CHD7: variants seen among roughly 807,000 people sequenced by gnomAD.
The protein encoded by CHD7 is chromodomain helicase DNA binding protein 7.
A neutral mutation model predicts 307.3 loss-of-function variants in CHD7; 24 were observed. The ratio of observed to expected loss-of-function variants is 0.08; its 90% CI spans 0.06 to 0.11. The LOEUF (loss-of-function observed/expected upper bound fraction) is 0.11. CHD7 is among the 10% of genes least tolerant of loss of function. CHD7 has a pLI of 1.00. For missense variants in CHD7, 3,106 were observed against 3,727.1 expected, an observed-to-expected ratio of 0.83 and a Z score of 4.34; for synonymous variants, 1,363 against 1,349.9, an observed-to-expected ratio of 1.01 and a Z score of -0.21.
At position 60,781,146 on chromosome 8, in the gene CHD7, C is replaced by T. The variant is rs764607908; in HGVS notation, c.1812C>T (p.Asn604=). 1 of 1,609,188 alleles carries T rather than the reference C, an allele frequency of 6.2e-7. No homozygotes were observed. Among genetic ancestry groups the T allele is most frequent in the Admixed American group, 1.7e-5 (1 of 59,288 alleles). ...PQQKKKKKKN[N]HIVAEDPSKG... ...AAAAGAAGAAGAAAAAGAAAAACAA[C>T]CACATTGTAGCAGAGGATCCCAGTA... Residue 604 remains asparagine, a synonymous_variant, in exon 3 of 38, where the codon AAC becomes AAT. Coordinates refer to ENST00000423902, the MANE Select transcript of CHD7 (RefSeq NM_017780.4).
rs900280483 is a variant in CHD7, at chr8:60,836,130, A to G, written c.3836A>G (p.Asp1279Gly). Reference protein sequence around the residue: ...FKETHNAESPDFQLQAMIQAA... With the variant: ...FKETHNAESPGFQLQAMIQAA... ...GAAACACACAATGCAGAGTCTCCAG[A>G]TTTTCAGCTCCAGGCAATGATCCAG... Residue 1279 changes from aspartate (D) to glycine (G), a missense_variant, in exon 16 of 38, where the codon GAT becomes GGT. By Grantham distance (94) the Asp-to-Gly change is moderately conservative (BLOSUM62 -1). This residue lies in a region of CHD7 where 232 missense variants were observed against 422.5 expected (regional missense o/e 0.55). Transcript: ENST00000423902. 3 of 1,613,412 alleles carry G rather than the reference A, an allele frequency of 1.9e-6. No individual in the cohort carries two copies. The Admixed American group carries it at 5.0e-5, about 27-fold the overall frequency.
rs144966415 is a variant in CHD7 at position 60,738,852 on chromosome 8, G to A, written c.-174-2407G>A. On this transcript the variant is annotated intron_variant, in intron 1 of 37. Coordinates refer to ENST00000423902, the MANE Select transcript of CHD7 (RefSeq NM_017780.4). ...TTAGTTGATACCATATAATGCTGGC[G>A]TTTTTCAAGCGTCTGGGAGATGGAC... is the stretch of plus-strand genomic sequence containing the variant. Among the ~76,000 whole-genome samples the A allele has an allele frequency of 1.6e-3, 240 of 152,242 alleles. 1 individual carries two copies. Among genetic ancestry groups the A allele is most frequent in the African/African-American group, 4.7e-3 (194 of 41,548 alleles).
intron 6 of CHD7, among the ~76,000 whole-genome samples, chr8:60,803,113 C>T (rs755484854): frequency 5.9e-5 from 9 of 152,160 alleles, no homozygotes; most frequent in Non-Finnish European, 1.3e-4. Context: ...TTTTGTCCTA[C>T]TAATGACTCT....
chr8:60,787,934 C>G (rs976942431), intron 3 of CHD7, among the ~76,000 whole-genome samples: 1 of 151,348 alleles, frequency 6.6e-6, no homozygotes, highest in African/African-American at 2.4e-5. Context: ...GATTCTACTG[C>G]CTCAGCCTCC....
chr8:60,830,336 A>G lies in CHD7; in HGVS notation c.3537A>G (p.Gln1179=), dbSNP rs1161232668. Residue 1179 remains glutamine, a synonymous_variant, in exon 15 of 38, where the codon CAA becomes CAG. Transcript: ENST00000423902. The part of the protein sequence containing the change: ...LKTEEQVQKL[Q]AILKPMMLRR... ...TCCTTTTTTAGGTGCAAAAACTTCA[A>G]GCTATTCTAAAGCCAATGATGTTGA... 1.2e-6 allele frequency: 2 copies of G among 1,612,150 alleles called. No homozygotes were observed. The highest frequency in any genetic ancestry group is 1.7e-6 in the Non-Finnish European group (2 of 1,179,314).
In CHD7 at chr8:60,865,155, C is replaced by A; in HGVS notation, c.8216C>A (p.Ser2739Ter). The A allele has an allele frequency of 6.2e-7, 1 of 1,612,098 alleles. No homozygotes were observed. Among genetic ancestry groups the A allele is most frequent in the Non-Finnish European group, 8.5e-7 (1 of 1,179,166 alleles). Residue 2739 changes from serine (S) to a stop codon, truncating the protein, a stop_gained, in exon 38 of 38, where the codon TCA becomes TAA. Transcript: ENST00000423902. LOFTEE classifies it high-confidence loss of function. This position sits in a 1 kb window ranked among gnomAD's most constrained non-coding sequence, Gnocchi z 4.3. ...AAAAAAVAST[S>*]GINPLLVNSL... is the part of the protein sequence containing the mutation. ...GCCGCCGCTGCTGTGGCCTCCACGT[C>A]AGGGATCAACCCTTTGCTGGTGAAC...
At chr8:60,733,143 G>A (rs1220518176) in intron 1 of CHD7, among the ~76,000 whole-genome samples, 1 of 152,064 alleles carries the variant, frequency 6.6e-6, no homozygotes, top group Non-Finnish European at 1.5e-5. Flanking sequence ...CCCGCACTGG[G>A]AGGATTACTT....
rs370972259 is a variant in CHD7 at position 60,852,972 on chromosome 8, C to T, written c.6247C>T (p.Pro2083Ser). ...QLGERLKLCQ[P>S]SLDLPEWWEC... Reference sequence around the variant, plus strand: ...GGGAGAGAGGCTTAAGCTCTGCCAGCCAAGCTTGGATCTGCCAGAGTGGTG... The same window carrying T: ...GGGAGAGAGGCTTAAGCTCTGCCAGTCAAGCTTGGATCTGCCAGAGTGGTG... The change falls in exon 31 of 38, where the codon CCA (proline) becomes TCA (serine). Residue 2083 changes from proline (P) to serine (S), a missense_variant. This residue lies in a region of CHD7 where 1,030 missense variants were observed against 1,165.4 expected (regional missense o/e 0.88). Coordinates refer to ENST00000423902, the MANE Select transcript of CHD7 (RefSeq NM_017780.4). 477 of 1,613,860 alleles carry T rather than the reference C, an allele frequency of 3.0e-4. 1 individual carries two copies. The highest frequency in any genetic ancestry group is 3.9e-4 in the Non-Finnish European group (458 of 1,179,882).
Position 60,856,538 on chromosome 8 carries a change from C to G in CHD7, c.7258C>G (p.Leu2420Val). 1 of 1,613,982 alleles carries G rather than the reference C, an allele frequency of 6.2e-7. No individual in the cohort carries two copies. Among genetic ancestry groups the G allele is most frequent in the Non-Finnish European group, 8.5e-7 (1 of 1,179,874 alleles). ...CGAAAGAGCTGCCAAGAGGCGAAAT[C>G]TCATGGAGATGGTTGCCCAGCTTCG... ...EAERAAKRRN[L>V]MEMVAQLRES... is the part of the protein sequence containing the mutation. The change falls in exon 34 of 38, where the codon CTC becomes GTC. Residue 2420 changes from leucine to valine, a missense_variant. Leu to Val is a conservative substitution (Grantham distance 32). Around this residue, in one of 10 missense-constraint regions of CHD7, gnomAD observed 1,030 missense variants for 1,165.4 expected, o/e 0.88. Coordinates refer to ENST00000423902, the MANE Select transcript of CHD7 (RefSeq NM_017780.4).
At chr8:60,699,632 C>T (rs1454031564) in intron 1 of CHD7, among the ~76,000 whole-genome samples, 1 of 151,844 alleles carries the variant, frequency 6.6e-6, no homozygotes, top group African/African-American at 2.4e-5. Flanking sequence ...TAGAGCCTCT[C>T]AGTACTCTTG....
chr8:60,696,588 A>G (rs1165385881), intron 1 of CHD7, among the ~76,000 whole-genome samples: 1 of 152,128 alleles, frequency 6.6e-6, no homozygotes, highest in African/African-American at 2.4e-5. Context: ...TTAGCACACA[A>G]CTAATGTTAA....
intron 2 of CHD7, among the ~76,000 whole-genome samples, chr8:60,747,934 A>G (rs1809416406): frequency 6.6e-6 from 1 of 152,258 alleles, no homozygotes; most frequent in Non-Finnish European, 1.5e-5. Context: ...AAAACAATAC[A>G]TCTAGCAAGT....
At position 60,717,750 on chromosome 8, in the gene CHD7, G is replaced by T. The variant is rs1241556994; in HGVS notation, c.-174-23509G>T. Among the ~76,000 whole-genome samples, 6 of 152,040 alleles carry T rather than the reference G, an allele frequency of 3.9e-5. 1 individual carries two copies. Among genetic ancestry groups the T allele is most frequent in the African/African-American group, 7.3e-5 (3 of 41,368 alleles). On this transcript the variant is annotated intron_variant, in intron 1 of 37. Coordinates refer to ENST00000423902, the MANE Select transcript of CHD7 (RefSeq NM_017780.4). ...ATTCCATTGTCCACTGACAATTGTAGTCATCATAATGTAGAGCAACACATT... is the reference window on the plus strand; with the variant it reads ...ATTCCATTGTCCACTGACAATTGTATTCATCATAATGTAGAGCAACACATT...
intron 21 of CHD7, among the ~76,000 whole-genome samples, chr8:60,842,954 C>A (rs116111978): frequency 2.2e-4 from 33 of 152,276 alleles, no homozygotes; most frequent in Middle Eastern, 6.8e-3. Context: ...CTTCCCACTG[C>A]CTAGAGGACC....
At chr8:60,846,270 C>A (rs1454390998) in intron 23 of CHD7, among the ~76,000 whole-genome samples, 4 of 152,168 alleles carry the variant, frequency 2.6e-5, no homozygotes, top group Admixed American at 2.6e-4. Context: ...CTGGGGAGTT[C>A]ATGTATTATT....
chr8:60,720,263 C>T (rs773636325), intron 1 of CHD7, among the ~76,000 whole-genome samples: 43 of 152,156 alleles, frequency 2.8e-4, no homozygotes, highest in Non-Finnish European at 5.7e-4. Context: ...AGATCATCAG[C>T]CTTTTATGTA....
chr8:60,754,477 C>A (rs2150603606), intron 2 of CHD7, among the ~76,000 whole-genome samples: 1 of 152,198 alleles, frequency 6.6e-6, no homozygotes, highest in South Asian at 2.1e-4. Context: ...GGAATTCTTT[C>A]TTTTTTTACC....
chr8:60,829,460 G>A (rs965676644), intron 14 of CHD7, among the ~76,000 whole-genome samples: 1 of 152,144 alleles, frequency 6.6e-6, no homozygotes, highest in African/African-American at 2.4e-5. Context: ...AATTAGCCGG[G>A]CGTGGTGGAA....
chr8:60,821,826 C>T lies in CHD7; in HGVS notation c.2734C>T (p.Pro912Ser). Residue 912 changes from proline to serine, a missense_variant, in exon 10 of 38, where the codon CCT (proline) becomes TCT (serine). By Grantham distance (74) the Pro-to-Ser change is moderately conservative. Transcript: ENST00000423902. The stretch of plus-strand genomic sequence containing the variant: ...CTATCTGGTGAAGTGGTGTTCACTT[C>T]CTTATGAAGACAGCACGTGGGAGCG... ...THYLVKWCSL[P>S]YEDSTWERRQ... 2 of 1,573,422 alleles carry T rather than the reference C, an allele frequency of 1.3e-6. No homozygotes were observed. The highest frequency in any genetic ancestry group is 1.7e-6 in the Non-Finnish European group (2 of 1,158,798).
Sources: allele counts gnomAD v4.1 joint callset (sites outside exome capture counted in the v4.1 genomes callset), GRCh38; gene constraint gnomAD v4.1.1; regional missense constraint gnomAD v4.1.1; non-coding constraint Gnocchi (gnomAD v3.1); transcripts MANE v1.5; gene names NCBI Gene and HGNC (gene_info 2026-07-23, HGNC 2026-07-21).